Variants in THRB observed in about 807,000 individuals in gnomAD.
The protein encoded by THRB is nuclear receptor subfamily 1 group A member 2.
In THRB, 12 loss-of-function variants were observed where a neutral mutation model predicts 47.8. The ratio of observed to expected loss-of-function variants is 0.25; its 90% CI spans 0.16 to 0.41. The LOEUF is 0.41. THRB is among the 10% of genes least tolerant of loss of function. THRB has a pLI of 1.00. For missense variants in THRB, 348 were observed against 589.2 expected, an observed-to-expected ratio of 0.59 and a Z score of 4.24; for synonymous variants, 218 against 212.2, an observed-to-expected ratio of 1.03 and a Z score of -0.24.
intron 3 of THRB, among the ~76,000 whole-genome samples, chr3:24,290,301 G>A (rs1231460353): frequency 6.6e-6 from 1 of 152,184 alleles, no homozygotes. Context: ...TCTCTCTCTT[G>A]GGCCATACAT....
intron 3 of THRB, among the ~76,000 whole-genome samples, chr3:24,261,520 C>CAAAAAAAAAAA (rs1207008580): frequency 1.7e-5 from 2 of 119,544 alleles, no homozygotes; most frequent in African/African-American, 8.1e-5. Flanking sequence ...AAAAAAAAAC[C>CAAAAAAAAAAA]AAAAAAAACT....
At chr3:24,417,192 G>A (rs2068829143) in intron 1 of THRB, among the ~76,000 whole-genome samples, 1 of 151,356 alleles carries the variant, frequency 6.6e-6, no homozygotes, top group Non-Finnish European at 1.5e-5. Flanking sequence ...TATTAGTAAA[G>A]CACATTTTCT....
At chr3:24,429,249 T>C (rs1238469020) in intron 1 of THRB, among the ~76,000 whole-genome samples, 2 of 150,546 alleles carry the variant, frequency 1.3e-5, no homozygotes, top group Non-Finnish European at 3.0e-5. Flanking sequence ...ACATATATAC[T>C]ATATGTTATA....
intron 4 of THRB, among the ~76,000 whole-genome samples, chr3:24,207,228 T>C (rs1023818385): frequency 1.3e-5 from 2 of 152,168 alleles, no homozygotes; most frequent in Admixed American, 1.3e-4. Context: ...CTGATGAACA[T>C]TGATGCAAAA....
chr3:24,337,093 C>T (rs932686441), intron 2 of THRB, among the ~76,000 whole-genome samples: 2 of 152,178 alleles, frequency 1.3e-5, no homozygotes, highest in Non-Finnish European at 2.9e-5. Flanking sequence ...CTCTTCTTTT[C>T]TCGAGTGAAT....
chr3:24,305,268 C>T, intron 2 of THRB, among the ~76,000 whole-genome samples: 1 of 152,168 alleles, frequency 6.6e-6, no homozygotes, highest in East Asian at 1.9e-4. Context: ...GAATCAGAAA[C>T]TCTGGGGTTG....
chr3:24,424,235 G>C (rs537523059), intron 1 of THRB, among the ~76,000 whole-genome samples: 1 of 151,830 alleles, frequency 6.6e-6, no homozygotes, highest in African/African-American at 2.4e-5. Context: ...TAATTGTTCT[G>C]GGGCGGACAT....
rs919792590 is a variant in THRB, at chr3:24,259,325, G to A, written c.-42-30324C>T. Reference sequence around the variant, plus strand: ...GGGACAAGTTACACATTTCAACTACGGCATGGAAAAGAGTGTCCTTCCCTA... The same window carrying A: ...GGGACAAGTTACACATTTCAACTACAGCATGGAAAAGAGTGTCCTTCCCTA... On this transcript the variant is annotated intron_variant, in intron 3 of 10. Coordinates refer to ENST00000646209, the MANE Select transcript of THRB (RefSeq NM_001354712.2). 2.0e-5 allele frequency among the ~76,000 whole-genome samples: 3 copies of A among 152,094 alleles called. No individual in the cohort carries two copies. The South Asian group carries it at 6.2e-4, about 32-fold the overall frequency.
intron 1 of THRB, among the ~76,000 whole-genome samples, chr3:24,443,011 G>A (rs975942384): frequency 4.0e-5 from 6 of 151,412 alleles, no homozygotes; most frequent in Admixed American, 2.0e-4. Flanking sequence ...GTGAAACTCC[G>A]TCTGTACTAA....
intron 1 of THRB, among the ~76,000 whole-genome samples, chr3:24,468,959 G>C (rs2074355699): frequency 6.6e-6 from 1 of 152,058 alleles, no homozygotes; most frequent in Admixed American, 6.6e-5. Context: ...TATTAAATCA[G>C]GGTAAAGCAG....
In THRB at chr3:24,272,935, G is replaced by GT. The variant is rs575188775; in HGVS notation, c.-43+24290dup. Among the ~76,000 whole-genome samples, 746 of 152,128 alleles carry GT rather than the reference G, an allele frequency of 4.9e-3. 6 individuals are homozygous for GT. The highest frequency in any genetic ancestry group is 0.017 in the African/African-American group (707 of 41,500). On this transcript the variant is annotated intron_variant, in intron 3 of 10. Transcript: ENST00000646209. The stretch of plus-strand genomic sequence containing the variant: ...AATAGCAAAGAAAATTAAATATTCA[G>GT]TTTTTTAAAAAACAAATATCAATAC...
intron 1 of THRB, among the ~76,000 whole-genome samples, chr3:24,436,061 T>C (rs2070913861): frequency 6.6e-6 from 1 of 151,902 alleles, no homozygotes; most frequent in Admixed American, 6.6e-5. Flanking sequence ...GACCTCAGGG[T>C]GAGTCAGAAA....
At chr3:24,124,747 T>G (rs1319783017) in intron 10 of THRB, among the ~76,000 whole-genome samples, 2 of 152,138 alleles carry the variant, frequency 1.3e-5, no homozygotes. Context: ...GAAGAAAAAG[T>G]CTAAGATATT....
At chr3:24,205,642 A>C (rs1260862764) in intron 4 of THRB, among the ~76,000 whole-genome samples, 1 of 152,222 alleles carries the variant, frequency 6.6e-6, no homozygotes, top group East Asian at 1.9e-4. Flanking sequence ...TCAAATTCAC[A>C]CATAACAATA....
chr3:24,490,402 A>G (rs527275065), intron 1 of THRB, among the ~76,000 whole-genome samples: 54 of 152,322 alleles, frequency 3.5e-4, no homozygotes, highest in Admixed American at 1.9e-3. Flanking sequence ...CAAATATGAC[A>G]CTTAATACCA....
chr3:24,201,668 G>C (rs1247825412), intron 4 of THRB, among the ~76,000 whole-genome samples: 2 of 152,120 alleles, frequency 1.3e-5, no homozygotes, highest in Admixed American at 1.3e-4. Context: ...AAATCAGAGG[G>C]GAAAGTAGTA....
chr3:24,380,888 A>T (rs1235173313), intron 1 of THRB, among the ~76,000 whole-genome samples: 2 of 152,084 alleles, frequency 1.3e-5, no homozygotes, highest in Non-Finnish European at 2.9e-5. Context: ...AAGCCGAGGC[A>T]GGTGGATCAT....
At chr3:24,367,455 A>G (rs1055787700) in intron 1 of THRB, among the ~76,000 whole-genome samples, 1 of 152,110 alleles carries the variant, frequency 6.6e-6, no homozygotes, top group South Asian at 2.1e-4. Context: ...TATTTCCTCA[A>G]TGGATACATA....
chr3:24,323,642 A>G (rs2058631810), intron 2 of THRB, among the ~76,000 whole-genome samples: 7 of 152,138 alleles, frequency 4.6e-5, no homozygotes, highest in Admixed American at 4.6e-4. Flanking sequence ...TTGTTCTATA[A>G]TCCTGTGAGA....
Sources: gnomAD v4.1 joint callset for allele counts (sites outside exome capture counted in the v4.1 genomes callset) on GRCh38, gnomAD v4.1.1 for gene constraint, MANE v1.5 for transcripts, NCBI Gene and HGNC (gene_info 2026-07-23, HGNC 2026-07-21) for gene names.